The following EIF3L variants were observed in gnomAD, a reference collection of about 807,000 sequenced individuals.
EIF3L encodes the protein eIEF associated protein HSPC021.
A neutral mutation model predicts 74.6 loss-of-function variants in EIF3L; 32 were observed. That is an observed-to-expected ratio of 0.43 (90% CI 0.32 to 0.58). EIF3L has a LOEUF of 0.58. Ranked by LOEUF, EIF3L falls within the 20% of genes least tolerant of loss-of-function variation. EIF3L has a pLI of 0.06. For missense variants in EIF3L, 474 were observed against 707.8 expected, an observed-to-expected ratio of 0.67 and a Z score of 3.75; for synonymous variants, 256 against 254.4, an observed-to-expected ratio of 1.01 and a Z score of -0.06.
chr22:37,869,146 TGAGACA>T (rs1387526304), intron 7 of EIF3L, among the ~76,000 whole-genome samples: 1 of 152,190 alleles, frequency 6.6e-6, no homozygotes, highest in African/African-American at 2.4e-5. Context: ...TTTTGTGTTT[TGAGACA>T]GAGTTTTACT....
At chr22:37,860,934 C>G (rs1429279956) in intron 5 of EIF3L, among the ~76,000 whole-genome samples, 1 of 152,192 alleles carries the variant, frequency 6.6e-6, no homozygotes, top group East Asian at 1.9e-4. Flanking sequence ...TCACTCATTT[C>G]CTGAAACTTT....
intron 9 of EIF3L, 113 bp from the exon 10 acceptor site, chr22:37,875,728 G>A (rs1421593152): frequency 3.1e-6 from 3 of 970,440 alleles, no homozygotes; most frequent in African/African-American, 3.3e-5. Context: ...GGACTCCAGA[G>A]CTTCCTCTGG....
chr22:37,873,209 A>G (rs548045588), intron 8 of EIF3L, among the ~76,000 whole-genome samples: 136 of 151,606 alleles, frequency 9.0e-4, no homozygotes, highest in Non-Finnish European at 1.4e-3. Flanking sequence ...GGCTGGGCTC[A>G]AACTCCTGAC....
In EIF3L at chr22:37,886,761, A is replaced by G. The variant is rs964531575; in HGVS notation, c.1576-4A>G. On this transcript the variant is annotated splice_region_variant and splice_polypyrimidine_tract_variant and intron_variant, in intron 11 of 12. Transcript: ENST00000652021. ...CTCTTCCCTGACTGTGCTTTCCCCCACAGGACATGATCCACATCGCGGACA... is the reference window on the plus strand; with the variant it reads ...CTCTTCCCTGACTGTGCTTTCCCCCGCAGGACATGATCCACATCGCGGACA... 1.4e-5 allele frequency: 22 copies of G among 1,606,578 alleles called. No individual in the cohort carries two copies. The highest frequency in any genetic ancestry group is 1.8e-5 in the Non-Finnish European group (21 of 1,175,204).
intron 11 of EIF3L, chr22:37,882,006 T>C (rs1310236596): frequency 2.0e-5 from 3 of 152,132 alleles, no homozygotes; most frequent in Admixed American, 2.0e-4. Flanking sequence ...GTCTCTACTT[T>C]TTAAAAAGAG....
In EIF3L at chr22:37,851,407, A is replaced by G; in HGVS notation, c.210A>G (p.Lys70=). ...HKTVSDLIDQ[K]VYELQASRVS... Reference sequence around the variant, plus strand: ...CTGTCTCAGATTTGATTGACCAGAAAGTGTATGAGCTACAGGCCAGTCGTG... The same window carrying G: ...CTGTCTCAGATTTGATTGACCAGAAGGTGTATGAGCTACAGGCCAGTCGTG... The change falls in exon 3 of 13, where the codon AAA becomes AAG. Residue 70 remains lysine (K), a synonymous_variant. Transcript: ENST00000652021. 1.2e-6 allele frequency: 2 copies of G among 1,614,126 alleles called. No individual in the cohort carries two copies. The highest frequency in any genetic ancestry group is 1.7e-6 in the Non-Finnish European group (2 of 1,179,992).
chr22:37,862,479 G>A (rs1925909967), intron 5 of EIF3L, among the ~76,000 whole-genome samples: 1 of 152,328 alleles, frequency 6.6e-6, no homozygotes, highest in African/African-American at 2.4e-5. Flanking sequence ...AGTGGGCATG[G>A]CTGTGTTCCA....
rs1926813538 is a variant in EIF3L at position 37,877,507 on chromosome 22, T to G, written c.1078-167T>G. On this transcript the variant is annotated intron_variant, in intron 10 of 12. Transcript: ENST00000652021. ...ATCTGGAGCTAGGATGGAAGTTAGG[T>G]AGATCTAGAGGGAGGATTGGAAGAG... 4 of 765,266 alleles carry G rather than the reference T, an allele frequency of 5.2e-6. No individual in the cohort carries two copies. The South Asian group carries it at 8.2e-5, about 16-fold the overall frequency. 47.4% of individuals were successfully genotyped at this position (765,266 alleles called of 1,614,324 possible). A position where few individuals can be genotyped will look rare whatever the true frequency, so the allele number is the denominator to read the frequency against.
intron 4 of EIF3L, among the ~76,000 whole-genome samples, chr22:37,857,104 G>A (rs1306326915): frequency 6.6e-6 from 1 of 151,974 alleles, no homozygotes; most frequent in Non-Finnish European, 1.5e-5. Flanking sequence ...GCTCATGCCT[G>A]TAATCCCAGC....
chr22:37,857,137 G>A (rs1225862546), intron 4 of EIF3L, among the ~76,000 whole-genome samples: 2 of 151,748 alleles, frequency 1.3e-5, no homozygotes, highest in African/African-American at 2.4e-5. Context: ...GAAGGTGGAC[G>A]GATCACGAGG....
chr22:37,876,039 G>A (rs1200236405), intron 10 of EIF3L, 28 bp downstream of exon 10: 1 of 1,601,988 alleles, frequency 6.2e-7, no homozygotes, highest in South Asian at 1.1e-5. Context: ...TGCCACCAGT[G>A]GCCTTTCTAA....
chr22:37,876,290 G>T, intron 10 of EIF3L: 2 of 268,330 alleles, frequency 7.5e-6, no homozygotes, highest in Non-Finnish European at 1.4e-5. Context: ...CAACAACACC[G>T]GCTAATTTTT....
rs151153018 is a variant in EIF3L at position 37,877,976 on chromosome 22, C to A, written c.1380C>A (p.Ile460=). ...EVQQQAQLST[I]RSFLKLYTTM... is the part of the protein sequence containing the mutation. Reference sequence around the variant, plus strand: ...AGCAGCAGGCCCAGCTTTCAACCATCCGCAGCTTCCTGAAGCTCTACACCA... The same window carrying A: ...AGCAGCAGGCCCAGCTTTCAACCATACGCAGCTTCCTGAAGCTCTACACCA... Residue 460 remains isoleucine (I), a synonymous_variant, in exon 11 of 13, where the codon ATC becomes ATA. Transcript: ENST00000652021. The A allele has an allele frequency of 1.7e-5, 28 of 1,612,548 alleles. No individual in the cohort carries two copies. The African/African-American group carries it at 3.5e-4, about 20-fold the overall frequency.
intron 9 of EIF3L, among the ~76,000 whole-genome samples, chr22:37,875,117 C>A (rs1926675498): frequency 6.6e-6 from 1 of 151,010 alleles, no homozygotes; most frequent in Admixed American, 6.6e-5. Flanking sequence ...ACCTGTAATC[C>A]CAGCAGTTTG....
Position 37,888,666 on chromosome 22 carries a change from G to A in EIF3L, c.*202G>A. ...TCATTATTGTAGGAGAGAATTTGTG[G>A]GTTGTGGCAGTAATACATTTCCCAT... On this transcript the variant is annotated 3_prime_UTR_variant, in exon 13 of 13. Transcript: ENST00000652021. 1 of 588,146 alleles carries A rather than the reference G, an allele frequency of 1.7e-6. No homozygotes were observed. Among genetic ancestry groups the A allele is most frequent in the Non-Finnish European group, 3.0e-6 (1 of 330,726 alleles). The allele number at this position is 588,146 out of a possible 1,614,324, so 36.4% of individuals were successfully genotyped here.
intron 8 of EIF3L, among the ~76,000 whole-genome samples, chr22:37,872,847 A>C (rs1476307652): frequency 6.6e-6 from 1 of 151,584 alleles, no homozygotes; most frequent in African/African-American, 2.4e-5. Context: ...GCCAATCTTG[A>C]ACTCATGGGA....
Position 37,878,019 on chromosome 22 carries a change from C to A in EIF3L, c.1423C>A (p.Leu475Met). 1.2e-6 allele frequency: 2 copies of A among 1,613,926 alleles called. No homozygotes were observed. Among genetic ancestry groups the A allele is most frequent in the Non-Finnish European group, 8.5e-7 (1 of 1,180,022 alleles). ...CTACACCACCATGCCTGTGGCCAAG[C>A]TGGCTGGCTTCCTGGACCTCACAGA... ...KLYTTMPVAKLAGFLDLTEQE... is the reference protein window; with the variant it reads ...KLYTTMPVAKMAGFLDLTEQE... The change falls in exon 11 of 13, where the codon CTG becomes ATG. Residue 475 changes from leucine (L) to methionine (M), a missense_variant. Transcript: ENST00000652021.
chr22:37,885,512 G>A lies in EIF3L; in HGVS notation c.1576-1253G>A, dbSNP rs892200829. On this transcript the variant is annotated intron_variant, in intron 11 of 12. Transcript: ENST00000652021. The stretch of plus-strand genomic sequence containing the variant: ...AGAAATCCTATCAGAGATTTAGAAC[G>A]TTCTTAGATCTTAACCTAGGGGATA... The A allele has an allele frequency of 6.0e-5, 9 of 151,090 alleles. No homozygotes were observed. The East Asian group carries it at 7.8e-4, about 13-fold the overall frequency. 9.4% of individuals were successfully genotyped at this position (151,090 alleles called of 1,614,324 possible). A position where few individuals can be genotyped will look rare whatever the true frequency, so the allele number is the denominator to read the frequency against.
intron 1 of EIF3L, 104 bp downstream of exon 1, chr22:37,849,586 C>T (rs2146003162): frequency 4.5e-6 from 6 of 1,322,922 alleles, no homozygotes; most frequent in Non-Finnish European, 6.3e-6. Context: ...CGGCCAGCTC[C>T]GGCCGACCTC....
Sources: allele counts gnomAD v4.1 joint callset (sites outside exome capture counted in the v4.1 genomes callset), GRCh38; gene constraint gnomAD v4.1.1; transcripts MANE v1.5; gene names NCBI Gene and HGNC (gene_info 2026-07-23, HGNC 2026-07-21).